The following SMYD5 variants were observed in gnomAD, a reference collection of about 807,000 sequenced individuals.
SMYD5 encodes SMYD family member 5.
SMYD5 carries 35 observed loss-of-function variants against 57.4 expected under a neutral mutation model. The ratio of observed to expected loss-of-function variants is 0.61; its 90% CI spans 0.47 to 0.81. SMYD5 has a LOEUF of 0.81. Among genes scored for constraint, SMYD5 ranks in the 30% least tolerant of loss-of-function variants. The pLI is 0.00. For synonymous variants in SMYD5, 198 were observed against 189.7 expected, an observed-to-expected ratio of 1.04 and a Z score of -0.36; for missense variants, 471 against 527.9, an observed-to-expected ratio of 0.89 and a Z score of 1.06.
chr2:73,221,308 C>T, intron 5 of SMYD5, 74 bp downstream of exon 5: 6 of 1,208,834 alleles, frequency 5.0e-6, no homozygotes, highest in Non-Finnish European at 7.4e-6. Context: ...TTTTCCTCAC[C>T]TCAAAGCCCT....
chr2:73,223,457 A>C lies in SMYD5; in HGVS notation c.808A>C (p.Thr270Pro). The change falls in exon 9 of 13, where the codon ACT becomes CCT. Residue 270 changes from threonine to proline, a missense_variant. Physicochemically the swap from Thr to Pro is conservative, Grantham distance 38. Coordinates refer to ENST00000389501, the MANE Select transcript of SMYD5 (RefSeq NM_006062.3). The stretch of plus-strand genomic sequence containing the variant: ...AAGCCAGTGGGTCCATGCCTGTGAC[A>C]CTCTGGAGTTGAAGCCTCAGGACCG... ...SLSQWVHACD[T>P]LELKPQDREQ... The C allele has an allele frequency of 6.2e-7, 1 of 1,613,858 alleles. No homozygotes were observed. Among genetic ancestry groups the C allele is most frequent in the Non-Finnish European group, 8.5e-7 (1 of 1,179,874 alleles).
At chr2:73,223,579 C>G in intron 9 of SMYD5, 47 bp downstream of exon 9, 3 of 1,260,788 alleles carry the variant, frequency 2.4e-6, no homozygotes, top group South Asian at 1.2e-5. Context: ...GCGACCCCCC[C>G]AGTCAGATGG....
At chr2:73,222,026 G>C in intron 6 of SMYD5, 96 bp downstream of exon 6, 2 of 776,210 alleles carry the variant, frequency 2.6e-6, no homozygotes, top group South Asian at 3.1e-5. Context: ...TCACTTCTGA[G>C]CTACAGGAAG....
chr2:73,221,159 C>G lies in SMYD5; in HGVS notation c.468-6C>G. 6.2e-7 allele frequency: 1 copy of G among 1,612,906 alleles called. No individual in the cohort carries two copies. The highest frequency in any genetic ancestry group is 8.5e-7 in the Non-Finnish European group (1 of 1,178,972). On this transcript the variant is annotated splice_region_variant and splice_polypyrimidine_tract_variant and intron_variant, in intron 4 of 12. Coordinates refer to ENST00000389501, the MANE Select transcript of SMYD5 (RefSeq NM_006062.3). ...TTCTAGGCCAATCTTTTTTCTCTTT[C>G]CCCAGGAGTATTCACTACCCACCTG...
At chr2:73,222,671 C>A in intron 6 of SMYD5, 84 bp from the exon 7 acceptor site, 1 of 1,163,536 alleles carries the variant, frequency 8.6e-7, no homozygotes, top group Non-Finnish European at 1.2e-6. Flanking sequence ...TTTTTCCTTC[C>A]CTCCCCTAGT....
chr2:73,226,550 A>C lies in SMYD5; in HGVS notation c.*604A>C. On this transcript the variant is annotated 3_prime_UTR_variant, in exon 13 of 13. Coordinates refer to ENST00000389501, the MANE Select transcript of SMYD5 (RefSeq NM_006062.3). ...CAGGGGGATTACTTCCCCCACCCACACCCCCATTTGGACATCTGGGGAAGT... is the reference window on the plus strand; with the variant it reads ...CAGGGGGATTACTTCCCCCACCCACCCCCCCATTTGGACATCTGGGGAAGT... 6.6e-6 allele frequency: 1 copy of C among 151,816 alleles called. No homozygotes were observed. Among genetic ancestry groups the C allele is most frequent in the Non-Finnish European group, 1.5e-5 (1 of 68,276 alleles). 9.4% of individuals were successfully genotyped at this position (151,816 alleles called of 1,614,324 possible).
Position 73,220,798 on chromosome 2 carries a change from T to C in SMYD5, c.467+16T>C, listed in dbSNP as rs1167837018. Reference sequence around the variant, plus strand: ...AGGCATGGAGGTAGGTTTCTTTTCCTCTCTTCTTTCCTTTATCCTTTCCTC... The same window carrying C: ...AGGCATGGAGGTAGGTTTCTTTTCCCCTCTTCTTTCCTTTATCCTTTCCTC... On this transcript the variant is annotated intron_variant, in intron 4 of 12. Transcript: ENST00000389501. The C allele has an allele frequency of 6.2e-7, 1 of 1,613,342 alleles. No homozygotes were observed. The highest frequency in any genetic ancestry group is 1.7e-5 in the Admixed American group (1 of 59,994).
intron 9 of SMYD5, 99 bp downstream of exon 9, chr2:73,223,631 G>A (rs1036978210): frequency 1.2e-6 from 1 of 855,786 alleles, no homozygotes; most frequent in Non-Finnish European, 2.0e-6. Flanking sequence ...AATTAATGGT[G>A]GGGGAAGGTA....
chr2:73,223,380 C>A, intron 8 of SMYD5, 46 bp from the exon 9 acceptor site: 1 of 1,324,226 alleles, frequency 7.6e-7, no homozygotes, highest in Non-Finnish European at 1.1e-6. Flanking sequence ...AGCCCTGTGA[C>A]CTGGGCTTCT....
chr2:73,224,291 A>G (rs540746531), intron 10 of SMYD5, among the ~76,000 whole-genome samples: 8 of 152,336 alleles, frequency 5.3e-5, no homozygotes, highest in Admixed American at 2.0e-4. Flanking sequence ...ATTCTTGCAA[A>G]GGGATGCATG....
At position 73,221,832 on chromosome 2, in the gene SMYD5, G is replaced by T; in HGVS notation, c.544G>T (p.Asp182Tyr). Residue 182 changes from aspartate (D) to tyrosine (Y), a missense_variant, in exon 6 of 13, where the codon GAC becomes TAC. Transcript: ENST00000389501. ...GTATGTTTGTTCACTGCAGGCGAAGGACAAGGACCGTTGGATCAGACTCTT... is the reference window on the plus strand; with the variant it reads ...GTATGTTTGTTCACTGCAGGCGAAGTACAAGGACCGTTGGATCAGACTCTT... ...RMVATVKQAK[D>Y]KDRWIRLFSQ... The T allele has an allele frequency of 6.2e-7, 1 of 1,612,996 alleles. No homozygotes were observed. The highest frequency in any genetic ancestry group is 1.1e-5 in the South Asian group (1 of 91,054).
chr2:73,225,025 C>A, intron 11 of SMYD5, 65 bp downstream of exon 11: 1 of 1,232,154 alleles, frequency 8.1e-7, no homozygotes, highest in Non-Finnish European at 1.2e-6. Flanking sequence ...CTGCAGGGAT[C>A]AGGAGCAGCA....
intron 11 of SMYD5, 74 bp from the exon 12 acceptor site, chr2:73,225,557 G>C (rs1274980731): frequency 1.5e-6 from 2 of 1,352,922 alleles, no homozygotes; most frequent in Admixed American, 3.6e-5. Flanking sequence ...GTTGGAGATA[G>C]GGTAGCTGTT....
At position 73,222,030 on chromosome 2, in the gene SMYD5, C is replaced by T. The variant is rs556709288; in HGVS notation, c.642+100C>T. On this transcript the variant is annotated intron_variant, in intron 6 of 12. Transcript: ENST00000389501. Reference sequence around the variant, plus strand: ...ACCACATTTGATCACTTCTGAGCTACAGGAAGGAGTTAGAACTTGGGTCCA... The same window carrying T: ...ACCACATTTGATCACTTCTGAGCTATAGGAAGGAGTTAGAACTTGGGTCCA... The T allele has an allele frequency of 3.8e-5, 29 of 756,726 alleles. No homozygotes were observed. In the South Asian group the frequency reaches 3.9e-4, roughly 10 times the overall value. 46.9% of individuals were successfully genotyped at this position (756,726 alleles called of 1,614,324 possible).
At chr2:73,222,384 G>C (rs1446432595) in intron 6 of SMYD5, among the ~76,000 whole-genome samples, 1 of 152,196 alleles carries the variant, frequency 6.6e-6, no homozygotes, top group African/African-American at 2.4e-5. Context: ...TACAAGGTTT[G>C]CATCTGGGGT....
rs906623808 is a variant in SMYD5 at position 73,220,096 on chromosome 2, C to T, written c.251C>T (p.Ala84Val). ...GCACTAGAGAAGGCAGAGGAGAATG[C>T]CCAGAGGCTGACCGGGAAACCAGGC... ...LRALEKAEEN[A>V]QRLTGKPGQV... is the part of the protein sequence containing the mutation. Residue 84 changes from alanine to valine, a missense_variant, in exon 3 of 13, where the codon GCC (alanine) becomes GTC (valine). By Grantham distance (64) the Ala-to-Val change is moderately conservative. Transcript: ENST00000389501. 5.6e-6 allele frequency: 9 copies of T among 1,614,060 alleles called. No homozygotes were observed. Among genetic ancestry groups the T allele is most frequent in the Non-Finnish European group, 6.8e-6 (8 of 1,180,010 alleles).
chr2:73,219,687 A>G (rs1023746132), intron 2 of SMYD5, among the ~76,000 whole-genome samples: 1 of 152,098 alleles, frequency 6.6e-6, no homozygotes, highest in Non-Finnish European at 1.5e-5. Context: ...CAACCCACAC[A>G]TTTCTTAAGC....
rs532554077 is a variant in SMYD5 at position 73,214,515 on chromosome 2, C to T, written c.96+153C>T. 418 of 1,487,550 alleles carry T rather than the reference C, an allele frequency of 2.8e-4. 6 individuals carry two copies. The South Asian group carries it at 4.5e-3, about 16-fold the overall frequency. 92.1% of individuals were successfully genotyped at this position (1,487,550 alleles called of 1,614,324 possible). Reference sequence around the variant, plus strand: ...GCGGCCCGGGGGCTCCCAGTCTGTCCCTGCGCGCAGGCTCGTGGCGCGGTC... The same window carrying T: ...GCGGCCCGGGGGCTCCCAGTCTGTCTCTGCGCGCAGGCTCGTGGCGCGGTC... On this transcript the variant is annotated intron_variant, in intron 1 of 12. Coordinates refer to ENST00000389501, the MANE Select transcript of SMYD5 (RefSeq NM_006062.3).
chr2:73,225,525 G>T (rs890404328), intron 11 of SMYD5, 106 bp from the exon 12 acceptor site: 1 of 1,040,266 alleles, frequency 9.6e-7, no homozygotes, highest in Non-Finnish European at 1.5e-6. Flanking sequence ...ACGCAAACTT[G>T]GCTCCTAGAG....
Sources: gnomAD v4.1 joint callset for allele counts (sites outside exome capture counted in the v4.1 genomes callset) on GRCh38, gnomAD v4.1.1 for gene constraint, MANE v1.5 for transcripts, NCBI Gene and HGNC (gene_info 2026-07-23, HGNC 2026-07-21) for gene names.